The following ZDHHC11B variants were observed in gnomAD, a reference collection of about 807,000 sequenced individuals.
ZDHHC11B encodes probable palmitoyltransferase ZDHHC11B.
ZDHHC11B carries 17 observed loss-of-function variants against 42.3 expected under a neutral mutation model. The observed-to-expected ratio is 0.40, with a 90% CI of 0.27 to 0.60. The LOEUF (loss-of-function observed/expected upper bound fraction) is 0.60, where lower values mean the gene tolerates loss of function less well. ZDHHC11B is among the 20% of genes least tolerant of loss of function. ZDHHC11B has a pLI of 0.41. For synonymous variants in ZDHHC11B, 123 were observed against 193.5 expected, an observed-to-expected ratio of 0.64 and a Z score of 3.02; for missense variants, 262 against 463.2, an observed-to-expected ratio of 0.57 and a Z score of 3.99.
intron 1 of ZDHHC11B, among the ~76,000 whole-genome samples, chr5:774,393 C>T (rs1736293838): frequency 6.6e-6 from 1 of 152,200 alleles, no homozygotes; most frequent in African/African-American, 2.4e-5. Context: ...ACTGACCGGG[C>T]TCTGTCACTA....
chr5:732,156 G>T (rs1219774548), intron 11 of ZDHHC11B: 8 of 157,704 alleles, frequency 5.1e-5, no homozygotes, highest in Non-Finnish European at 8.3e-5. Flanking sequence ...ACGGACTTGG[G>T]TGTCAGTGAA....
At chr5:724,308 C>G (rs528032541) in intron 12 of ZDHHC11B, among the ~76,000 whole-genome samples, 4 of 148,984 alleles carry the variant, frequency 2.7e-5, no homozygotes, top group African/African-American at 1.0e-4. Flanking sequence ...CAGGTTCAAG[C>G]GATTCTCCTG....
chr5:773,475 TC>T lies in ZDHHC11B; in HGVS notation c.-229-4546del, dbSNP rs775657684. ...CATCTCCACGTGTGTGCCCTGAACCTCCAGGGGGTCGCTCTTCACTCCCAGA... is the reference window on the plus strand; with the variant it reads ...CATCTCCACGTGTGTGCCCTGAACCTCAGGGGGTCGCTCTTCACTCCCAGA... On this transcript the variant is annotated intron_variant, in intron 1 of 13. Transcript: ENST00000508859. Among the ~76,000 whole-genome samples the T allele has an allele frequency of 9.9e-4, 151 of 151,890 alleles. 1 individual carries two copies. The highest frequency in any genetic ancestry group is 2.0e-3 in the Non-Finnish European group (136 of 67,862).
At chr5:776,599 G>C (rs1474455905) in intron 1 of ZDHHC11B, among the ~76,000 whole-genome samples, 6 of 151,684 alleles carry the variant, frequency 4.0e-5, no homozygotes, top group East Asian at 3.9e-4. Flanking sequence ...CCTCGCTGGT[G>C]AATGGGACAG....
chr5:722,744 C>T (rs2455349), intron 12 of ZDHHC11B, among the ~76,000 whole-genome samples: 11,823 of 150,486 alleles, frequency 0.079, 593 homozygotes, highest in East Asian at 0.24. Flanking sequence ...TGGAAGCCAT[C>T]TCCATGCCCA....
intron 9 of ZDHHC11B, among the ~76,000 whole-genome samples, chr5:744,045 C>T (rs1382426902): frequency 6.7e-6 from 1 of 149,850 alleles, no homozygotes; most frequent in African/African-American, 2.5e-5. Context: ...TGAATGGGAA[C>T]TTGCTGTTAA....
At chr5:770,760 A>C (rs1465111868) in intron 1 of ZDHHC11B, among the ~76,000 whole-genome samples, 2 of 152,028 alleles carry the variant, frequency 1.3e-5, no homozygotes, top group African/African-American at 4.8e-5. Context: ...AGGGGAGGGG[A>C]CTGCCAGTGT....
chr5:728,191 TG>T (rs1224981926), intron 12 of ZDHHC11B, among the ~76,000 whole-genome samples: 4 of 151,898 alleles, frequency 2.6e-5, no homozygotes, highest in African/African-American at 9.7e-5. Context: ...ATAAGGAAAA[TG>T]CACATTGAAA....
chr5:747,611 G>A (rs1320740770), intron 8 of ZDHHC11B: 2 of 151,218 alleles, frequency 1.3e-5, no homozygotes, highest in African/African-American at 2.5e-5. Flanking sequence ...GGAGATGGAG[G>A]TGAGCCCAGA....
rs186762767 is a variant in ZDHHC11B at position 777,583 on chromosome 5, C to T, written c.-230+7085G>A. Among the ~76,000 whole-genome samples, 85 of 152,040 alleles carry T rather than the reference C, an allele frequency of 5.6e-4. 3 individuals carry two copies. The highest frequency in any genetic ancestry group is 1.7e-3 in the African/African-American group (70 of 41,472). On this transcript the variant is annotated intron_variant, in intron 1 of 13. Transcript: ENST00000508859. ...GGCGTTCCGGCTACCCGCTTTTATT[C>T]CGTTATCTGACCCCACCCACATCCT...
intron 4 of ZDHHC11B, among the ~76,000 whole-genome samples, chr5:756,976 C>G (rs1424922441): frequency 6.6e-6 from 1 of 151,820 alleles, no homozygotes; most frequent in African/African-American, 2.4e-5. Context: ...CGGAGCCTGG[C>G]TGTGGGGGCA....
At chr5:729,323 A>G (rs1742831071) in intron 12 of ZDHHC11B, among the ~76,000 whole-genome samples, 1 of 150,998 alleles carries the variant, frequency 6.6e-6, no homozygotes, top group Non-Finnish European at 1.5e-5. Context: ...GACCTACTGG[A>G]ATGGTGGCAG....
chr5:776,455 G>A (rs1430938333), intron 1 of ZDHHC11B, among the ~76,000 whole-genome samples: 1 of 151,910 alleles, frequency 6.6e-6, no homozygotes, highest in African/African-American at 2.4e-5. Flanking sequence ...CCCCAAGGGA[G>A]ACCGGGTAGG....
At chr5:717,670 G>C (rs1428426605) in intron 12 of ZDHHC11B, among the ~76,000 whole-genome samples, 2 of 151,852 alleles carry the variant, frequency 1.3e-5, no homozygotes, top group East Asian at 3.8e-4. Context: ...AGAAAAGCAA[G>C]AGGGAAACCT....
intron 1 of ZDHHC11B, among the ~76,000 whole-genome samples, chr5:775,596 C>T (rs1249584772): frequency 7.9e-5 from 12 of 151,948 alleles, no homozygotes; most frequent in Middle Eastern, 3.4e-3. Flanking sequence ...TGGCAGGAGC[C>T]GATGCTCGTG....
chr5:766,643 G>C (rs577359513), intron 4 of ZDHHC11B, 55 bp downstream of exon 4: 11 of 1,522,512 alleles, frequency 7.2e-6, no homozygotes, highest in South Asian at 2.4e-5. Flanking sequence ...CAGGTCCATC[G>C]CAGGGTCCTC....
chr5:756,269 G>GT (rs60292232), intron 4 of ZDHHC11B, 125 bp from the exon 5 acceptor site: 544,080 of 1,387,486 alleles, frequency 0.39, 71,757 homozygotes, highest in African/African-American at 0.61. Context: ...CCCTGCACAC[G>GT]TGAGCCCAGC....
At chr5:731,629 AAAT>A (rs1214952643) in intron 11 of ZDHHC11B, among the ~76,000 whole-genome samples, 1 of 151,834 alleles carries the variant, frequency 6.6e-6, no homozygotes, top group Non-Finnish European at 1.5e-5. Context: ...TATGACTTGT[AAAT>A]ATTTTATTTC....
intron 3 of ZDHHC11B, 123 bp downstream of exon 3, chr5:767,269 T>C: frequency 8.6e-7 from 1 of 1,164,502 alleles, no homozygotes; most frequent in Admixed American, 2.2e-5. Flanking sequence ...AGACCTGAGC[T>C]GCCATCTGGA....
Sources: allele counts gnomAD v4.1 joint callset (sites outside exome capture counted in the v4.1 genomes callset), GRCh38; gene constraint gnomAD v4.1.1; transcripts MANE v1.5; gene names NCBI Gene and HGNC (gene_info 2026-07-23, HGNC 2026-07-21).